Variants in ESR1 observed in about 807,000 individuals in gnomAD.
ESR1 encodes estrogen receptor.
A neutral mutation model predicts 52.7 loss-of-function variants in ESR1; 12 were observed. That is an observed-to-expected ratio of 0.23 (90% CI 0.15 to 0.37). ESR1 has a LOEUF of 0.37. Among genes scored for constraint, ESR1 ranks in the 10% least tolerant of loss-of-function variants. The pLI, the probability that ESR1 is intolerant of heterozygous loss-of-function variation, is 1.00. For missense variants in ESR1, 584 were observed against 779.7 expected (o/e 0.75, Z 2.99); for synonymous variants, 305 against 316.8 (o/e 0.96, Z 0.39).
Position 151,807,882 on chromosome 6 carries a change from A to G in ESR1, c.-31A>G, listed in dbSNP as rs1477478319. 2 of 1,600,228 alleles carry G rather than the reference A, an allele frequency of 1.2e-6. No individual in the cohort carries two copies. Among genetic ancestry groups the G allele is most frequent in the Admixed American group, 3.3e-5 (2 of 59,878 alleles). On this transcript the variant is annotated 5_prime_UTR_variant, in exon 1 of 8. Transcript: ENST00000206249. Reference sequence around the variant, plus strand: ...TCTGAGCCTTCTGCCCTGCGGGGACACGGTCTGCACCCTGCCCGCGGCCAC... The same window carrying G: ...TCTGAGCCTTCTGCCCTGCGGGGACGCGGTCTGCACCCTGCCCGCGGCCAC...
At chr6:152,035,759 C>T (rs554815326) in intron 5 of ESR1, among the ~76,000 whole-genome samples, 2 of 152,232 alleles carry the variant, frequency 1.3e-5, no homozygotes, top group African/African-American at 4.8e-5. Flanking sequence ...AAACCAAACT[C>T]TACATTTATG....
intron 1 of ESR1, among the ~76,000 whole-genome samples, chr6:151,669,248 GGGTTGCT>G (rs1777962202): frequency 6.8e-6 from 1 of 147,592 alleles, no homozygotes; most frequent in Non-Finnish European, 1.5e-5. Context: ...GCCCAGGCTG[GGGTTGCT>G]GGTTTCTGGA....
At chr6:151,757,159 C>T (rs866166251) in intron 2 of ESR1, among the ~76,000 whole-genome samples, 17 of 151,864 alleles carry the variant, frequency 1.1e-4, no homozygotes, top group African/African-American at 4.1e-4. Flanking sequence ...CTCAGTGGGT[C>T]CTGTTACCTC....
rs143088782 is a variant in ESR1, at chr6:151,719,591, A to G, written c.-71+17586A>G. Among the ~76,000 whole-genome samples the G allele has an allele frequency of 3.9e-5, 6 of 152,280 alleles. No homozygotes were observed. The East Asian group carries it at 1.2e-3, about 29-fold the overall frequency. On this transcript the variant is annotated intron_variant, in intron 2 of 2. Coordinates refer to the ESR1 transcript ENST00000404742. ...GACTCAGGAGGTGCTGGGGCAGGTGAACTGCTTTTTGATTGGGGAGTTCAG... is the reference window on the plus strand; with the variant it reads ...GACTCAGGAGGTGCTGGGGCAGGTGGACTGCTTTTTGATTGGGGAGTTCAG...
intron 6 of ESR1, among the ~76,000 whole-genome samples, chr6:152,124,688 C>T (rs992007269): frequency 1.1e-4 from 6 of 52,302 alleles, no homozygotes; most frequent in African/African-American, 7.7e-4. Context: ...TCCTAATAAG[C>T]TGAGGGAAAA....
At chr6:151,921,586 C>T (rs1220133456) in intron 3 of ESR1, among the ~76,000 whole-genome samples, 1 of 152,030 alleles carries the variant, frequency 6.6e-6, no homozygotes, top group Non-Finnish European at 1.5e-5. Context: ...TTCTTTGCAA[C>T]CTCGCCAGCA....
intron 7 of ESR1, among the ~76,000 whole-genome samples, chr6:152,097,638 G>A (rs765789171): frequency 5.9e-5 from 9 of 152,208 alleles, no homozygotes; most frequent in Non-Finnish European, 1.2e-4. Context: ...CACCAGTAGT[G>A]TGGTGGGGCA....
intron 2 of ESR1, among the ~76,000 whole-genome samples, chr6:151,734,852 C>G (rs1414113166): frequency 6.6e-6 from 1 of 152,002 alleles, no homozygotes; most frequent in Admixed American, 6.5e-5. Flanking sequence ...GAACTCCTGA[C>G]CTCAAGGAAT....
chr6:151,919,579 T>A (rs980706585), intron 3 of ESR1, among the ~76,000 whole-genome samples: 8 of 152,236 alleles, frequency 5.3e-5, no homozygotes, highest in Non-Finnish European at 1.0e-4. Flanking sequence ...ATTCTGAGGT[T>A]ACAAATTGTT....
At chr6:152,126,172 C>T (rs1229972501) in exon 7 of ESR1, 1 of 152,168 alleles carries the variant, frequency 6.6e-6, no homozygotes, top group African/African-American at 2.4e-5. Flanking sequence ...AGAGAACACA[C>T]AATATTCAGT....
chr6:151,962,644 A>G (rs2037803419), intron 4 of ESR1, among the ~76,000 whole-genome samples: 1 of 152,222 alleles, frequency 6.6e-6, no homozygotes, highest in South Asian at 2.1e-4. Context: ...GCTTCTTACC[A>G]CAGCCCCCTA....
intron 2 of ESR1, among the ~76,000 whole-genome samples, chr6:151,769,394 A>G (rs998849089): frequency 6.6e-6 from 1 of 152,130 alleles, no homozygotes; most frequent in African/African-American, 2.4e-5. Context: ...AACTTATTCT[A>G]ATTCTCAATA....
At chr6:152,024,784 A>G (rs541863590) in intron 5 of ESR1, among the ~76,000 whole-genome samples, 7 of 148,450 alleles carry the variant, frequency 4.7e-5, no homozygotes, top group Admixed American at 1.4e-4. Flanking sequence ...AAATATACAT[A>G]TGTATGTATC....
chr6:151,843,086 A>G lies in ESR1; in HGVS notation c.643+299A>G, dbSNP rs9340806. On this transcript the variant is annotated intron_variant, in intron 2 of 7. Coordinates refer to ENST00000206249, the MANE Select transcript of ESR1 (RefSeq NM_000125.4). ...AGCTGGATCTCTGAGGAAAAAAGAA[A>G]TGTTGTCTGTGCCCTGACTGGGGAA... Among the ~76,000 whole-genome samples the G allele has an allele frequency of 3.3e-4, 51 of 152,270 alleles. No individual in the cohort carries two copies. The East Asian group carries it at 9.3e-3, about 28-fold the overall frequency.
chr6:151,983,270 G>A (rs749749001), intron 4 of ESR1, among the ~76,000 whole-genome samples: 27 of 152,182 alleles, frequency 1.8e-4, no homozygotes, highest in Non-Finnish European at 3.5e-4. Flanking sequence ...GGAGGAGGGC[G>A]ACTACTCCAA....
At chr6:152,007,569 T>C (rs1314194052) in intron 4 of ESR1, among the ~76,000 whole-genome samples, 1 of 152,124 alleles carries the variant, frequency 6.6e-6, no homozygotes. Context: ...CTTGTGAATA[T>C]AGACTAGGGA....
chr6:151,677,115 A>G (rs894955708), intron 1 of ESR1, among the ~76,000 whole-genome samples: 17 of 152,200 alleles, frequency 1.1e-4, no homozygotes, highest in Non-Finnish European at 1.2e-4. Context: ...CCTCTCCAGT[A>G]GCTGCAACTA....
At chr6:152,128,290 G>A (rs1161394455) in exon 7 of ESR1, 2 of 152,174 alleles carry the variant, frequency 1.3e-5, no homozygotes, top group East Asian at 1.9e-4. Flanking sequence ...ATGAATGTAT[G>A]CACAGATTTT....
At chr6:151,893,475 T>A (rs1444558655) in intron 3 of ESR1, among the ~76,000 whole-genome samples, 1 of 151,342 alleles carries the variant, frequency 6.6e-6, no homozygotes, top group East Asian at 1.9e-4. Flanking sequence ...ATTTTTTATA[T>A]TTTATATATA....
Sources: allele counts gnomAD v4.1 joint callset (sites outside exome capture counted in the v4.1 genomes callset), GRCh38; gene constraint gnomAD v4.1.1; transcripts MANE v1.5; gene names NCBI Gene and HGNC (gene_info 2026-07-23, HGNC 2026-07-21).